Variants in TRPM3 observed in about 807,000 individuals in gnomAD.
TRPM3 encodes long transient receptor potential channel 3.
TRPM3 carries 77 observed loss-of-function variants against 181.2 expected under a neutral mutation model. That is an observed-to-expected ratio of 0.42 (90% confidence interval 0.35 to 0.51). TRPM3 has a LOEUF of 0.51. Ranked by LOEUF, TRPM3 falls within the 20% of genes least tolerant of loss-of-function variation. The pLI, the probability that TRPM3 is intolerant of heterozygous loss-of-function variation, is 0.01. For synonymous variants in TRPM3, 745 were observed against 796.4 expected (o/e 0.94, Z 1.09); for missense variants, 1,759 against 2,196.7 (o/e 0.80, Z 3.98).
At chr9:70,790,806 T>C (rs183322917) in intron 6 of TRPM3, among the ~76,000 whole-genome samples, 119 of 152,308 alleles carry the variant, frequency 7.8e-4, no homozygotes, top group African/African-American at 2.7e-3. Flanking sequence ...AAGTTTAAGG[T>C]GCTTCTTACA....
intron 7 of TRPM3, chr9:70,774,618 A>ATT (rs1564220613): frequency 6.6e-6 from 1 of 152,154 alleles, no homozygotes; most frequent in East Asian, 1.9e-4. Context: ...TTACTATCAA[A>ATT]TGGCAAAAAC....
intron 1 of TRPM3, among the ~76,000 whole-genome samples, chr9:71,268,198 T>C (rs2083520673): frequency 6.6e-6 from 1 of 151,912 alleles, no homozygotes; most frequent in African/African-American, 2.4e-5. Flanking sequence ...CTGGCCAACA[T>C]GGTGAAACAA....
chr9:70,599,501 T>C (rs2059530591), intron 20 of TRPM3, among the ~76,000 whole-genome samples: 3 of 152,216 alleles, frequency 2.0e-5, no homozygotes, highest in Admixed American at 2.0e-4. Context: ...TCCAAACTCC[T>C]TATGGTCGCC....
At chr9:71,037,565 G>A (rs888587524) in intron 1 of TRPM3, among the ~76,000 whole-genome samples, 2 of 152,214 alleles carry the variant, frequency 1.3e-5, no homozygotes, top group Admixed American at 6.5e-5. Flanking sequence ...CATCCATTCA[G>A]CACAGCTCCT....
At chr9:71,048,620 T>A (rs778222358) in intron 1 of TRPM3, among the ~76,000 whole-genome samples, 1 of 152,230 alleles carries the variant, frequency 6.6e-6, no homozygotes, top group African/African-American at 2.4e-5. Context: ...GGCCAGAAGG[T>A]AGAACCATGT....
intron 1 of TRPM3, among the ~76,000 whole-genome samples, chr9:71,355,203 G>A (rs1231128275): frequency 6.6e-6 from 1 of 152,154 alleles, no homozygotes; most frequent in African/African-American, 2.4e-5. Context: ...GATATGTCCA[G>A]GTCCTAACTC....
At chr9:71,408,179 C>G (rs894408609) in intron 1 of TRPM3, among the ~76,000 whole-genome samples, 2 of 152,114 alleles carry the variant, frequency 1.3e-5, no homozygotes, top group Non-Finnish European at 2.9e-5. Flanking sequence ...ATTCTAAAAA[C>G]CAGAGCACCT....
At chr9:70,977,221 G>A (rs1297909839) in intron 1 of TRPM3, among the ~76,000 whole-genome samples, 1 of 152,104 alleles carries the variant, frequency 6.6e-6, no homozygotes, top group Non-Finnish European at 1.5e-5. Context: ...TGCCACCTCC[G>A]CCTCGCGGGT....
chr9:71,290,823 C>A (rs1014800037), intron 1 of TRPM3, among the ~76,000 whole-genome samples: 8 of 151,226 alleles, frequency 5.3e-5, no homozygotes, highest in Non-Finnish European at 7.4e-5. Flanking sequence ...GCTTATTAAA[C>A]TGTATAGGAC....
intron 1 of TRPM3, among the ~76,000 whole-genome samples, chr9:71,393,670 A>G (rs1588825129): frequency 6.6e-6 from 1 of 152,054 alleles, no homozygotes; most frequent in Non-Finnish European, 1.5e-5. Context: ...GACTCTTCAT[A>G]CCCCTTCCAA....
At chr9:71,418,764 T>G (rs575806598) in intron 1 of TRPM3, among the ~76,000 whole-genome samples, 65 of 147,346 alleles carry the variant, frequency 4.4e-4, no homozygotes, top group African/African-American at 1.5e-3. Context: ...AGATACTATA[T>G]ATATACTATA....
At chr9:71,119,749 A>G (rs2073209584) in intron 1 of TRPM3, among the ~76,000 whole-genome samples, 1 of 152,146 alleles carries the variant, frequency 6.6e-6, no homozygotes, top group Non-Finnish European at 1.5e-5. Context: ...TTGATTCACT[A>G]GTGATTCTGG....
intron 1 of TRPM3, among the ~76,000 whole-genome samples, chr9:70,901,148 T>A (rs2096380037): frequency 6.6e-6 from 1 of 152,220 alleles, no homozygotes; most frequent in Admixed American, 6.5e-5. Flanking sequence ...GGACCTAACA[T>A]GTAGCCAGGA....
At chr9:70,752,311 G>A (rs879306389) in intron 8 of TRPM3, among the ~76,000 whole-genome samples, 5 of 152,086 alleles carry the variant, frequency 3.3e-5, no homozygotes, top group Non-Finnish European at 5.9e-5. Flanking sequence ...GGCATTATGC[G>A]ACATAAGGAT....
chr9:71,363,691 C>T (rs1453796248), intron 1 of TRPM3, among the ~76,000 whole-genome samples: 3 of 152,158 alleles, frequency 2.0e-5, no homozygotes, highest in East Asian at 1.9e-4. Flanking sequence ...TTAGCTTATA[C>T]GCACTGCACT....
At chr9:71,436,702 G>A (rs1441797823) in intron 1 of TRPM3, among the ~76,000 whole-genome samples, 1 of 152,148 alleles carries the variant, frequency 6.6e-6, no homozygotes, top group Non-Finnish European at 1.5e-5. Flanking sequence ...GTGGCTTCTA[G>A]AAGCTGGAAA....
chr9:70,767,494 A>AT (rs2079379207), intron 7 of TRPM3, among the ~76,000 whole-genome samples: 1 of 152,188 alleles, frequency 6.6e-6, no homozygotes, highest in Non-Finnish European at 1.5e-5. Context: ...ATTTATGTAA[A>AT]ACAGCACTTA....
chr9:71,436,405 C>T (rs1463865445), intron 1 of TRPM3, among the ~76,000 whole-genome samples: 1 of 146,460 alleles, frequency 6.8e-6, no homozygotes, highest in Non-Finnish European at 1.5e-5. Flanking sequence ...TGGGTTCGAG[C>T]GATTCCCCTG....
chr9:71,411,345 T>C (rs907240000), intron 1 of TRPM3, among the ~76,000 whole-genome samples: 4 of 152,214 alleles, frequency 2.6e-5, no homozygotes, highest in Admixed American at 2.0e-4. Context: ...ATTGTATATC[T>C]AGAAAACCAC....
Sources: gnomAD v4.1 joint callset for allele counts (sites outside exome capture counted in the v4.1 genomes callset) on GRCh38, gnomAD v4.1.1 for gene constraint, MANE v1.5 for transcripts, NCBI Gene and HGNC (gene_info 2026-07-23, HGNC 2026-07-21) for gene names.